Variants in CTNND2 observed in about 807,000 individuals in gnomAD.
The protein encoded by CTNND2 is catenin delta 2.
In CTNND2, 22 loss-of-function variants were observed where a neutral mutation model predicts 144.4. That is an observed-to-expected ratio of 0.15 (90% CI 0.11 to 0.22). CTNND2 has a LOEUF of 0.22. Among genes scored for constraint, CTNND2 ranks in the 10% least tolerant of loss-of-function variants. The pLI, the probability that CTNND2 is intolerant of heterozygous loss-of-function variation, is 1.00. For missense variants in CTNND2, 1,353 were observed against 1,618.8 expected, an observed-to-expected ratio of 0.84 and a Z score of 2.82; for synonymous variants, 751 against 695.6, an observed-to-expected ratio of 1.08 and a Z score of -1.25.
chr5:11,029,845 C>T (rs1743255439), intron 16 of CTNND2, among the ~76,000 whole-genome samples: 1 of 152,196 alleles, frequency 6.6e-6, no homozygotes. Context: ...GTATTTATCT[C>T]TACTAAGATC....
intron 16 of CTNND2, among the ~76,000 whole-genome samples, chr5:11,060,914 G>A (rs1020747027): frequency 9.9e-5 from 15 of 152,132 alleles, no homozygotes; most frequent in African/African-American, 3.4e-4. Flanking sequence ...TCCTGTAGAT[G>A]TTTCTGTACT....
At chr5:11,806,701 A>G (rs954885430) in intron 1 of CTNND2, among the ~76,000 whole-genome samples, 2 of 152,186 alleles carry the variant, frequency 1.3e-5, no homozygotes, top group African/African-American at 4.8e-5. Flanking sequence ...ACTTATGTGC[A>G]CATTGGGGAA....
At chr5:11,204,796 G>A (rs1037503389) in intron 10 of CTNND2, among the ~76,000 whole-genome samples, 21 of 152,154 alleles carry the variant, frequency 1.4e-4, no homozygotes, top group African/African-American at 3.9e-4. Context: ...AATTCCTCTC[G>A]GGAGGTATCT....
chr5:11,779,535 G>A (rs192376060), intron 1 of CTNND2, among the ~76,000 whole-genome samples: 2 of 152,190 alleles, frequency 1.3e-5, no homozygotes, highest in Non-Finnish European at 2.9e-5. Context: ...ATGTAACATG[G>A]GTTATGGCAT....
chr5:11,114,759 C>T (rs145490391), intron 13 of CTNND2, among the ~76,000 whole-genome samples: 185 of 152,254 alleles, frequency 1.2e-3, no homozygotes, highest in African/African-American at 1.7e-3. Flanking sequence ...ATGGAATCCA[C>T]GCTCTTTTAT....
intron 9 of CTNND2, among the ~76,000 whole-genome samples, chr5:11,238,639 A>G (rs1741888648): frequency 6.6e-6 from 1 of 152,222 alleles, no homozygotes; most frequent in South Asian, 2.1e-4. Flanking sequence ...ATTCTATTTA[A>G]TGTGCACTGA....
chr5:11,564,049 C>T (rs1251372597), intron 3 of CTNND2, among the ~76,000 whole-genome samples: 1 of 152,096 alleles, frequency 6.6e-6, no homozygotes, highest in Non-Finnish European at 1.5e-5. Flanking sequence ...CAGGATGGAG[C>T]CATAGGGGAT....
intron 2 of CTNND2, among the ~76,000 whole-genome samples, chr5:11,634,730 G>A (rs1781591836): frequency 6.6e-6 from 1 of 152,098 alleles, no homozygotes; most frequent in Non-Finnish European, 1.5e-5. Flanking sequence ...TTAAGGGAAA[G>A]GTGGAAGAAA....
At chr5:11,687,934 G>A (rs1784730457) in intron 2 of CTNND2, among the ~76,000 whole-genome samples, 1 of 152,162 alleles carries the variant, frequency 6.6e-6, no homozygotes, top group Admixed American at 6.5e-5. Context: ...AACATCTCAG[G>A]CAGAGAAAAC....
At chr5:11,081,431 T>C (rs2973518) in intron 16 of CTNND2, among the ~76,000 whole-genome samples, 31,180 of 152,160 alleles carry the variant, frequency 0.2, 3,583 homozygotes, top group Middle Eastern at 0.29. Flanking sequence ...CCAAAAATGC[T>C]TAGGACCAGA....
chr5:11,387,877 T>C (rs1217425996), intron 6 of CTNND2, among the ~76,000 whole-genome samples: 1 of 152,182 alleles, frequency 6.6e-6, no homozygotes, highest in East Asian at 1.9e-4. Context: ...TTAGAACATA[T>C]ATCCTGTGAA....
At chr5:11,450,848 A>C (rs1765242884) in intron 3 of CTNND2, among the ~76,000 whole-genome samples, 1 of 139,804 alleles carries the variant, frequency 7.2e-6, no homozygotes, top group Admixed American at 8.0e-5. Context: ...CAGTGAGCCG[A>C]GATTGCGCCA....
At chr5:11,625,413 C>CTCTCTCTT (rs1554095911) in intron 2 of CTNND2, among the ~76,000 whole-genome samples, 6 of 151,800 alleles carry the variant, frequency 4.0e-5, no homozygotes, top group African/African-American at 1.5e-4. Flanking sequence ...CTCTCTCTCT[C>CTCTCTCTT]TCTCTCTCTC....
intron 1 of CTNND2, among the ~76,000 whole-genome samples, chr5:11,864,571 T>C (rs920341331): frequency 6.6e-6 from 1 of 152,214 alleles, no homozygotes; most frequent in African/African-American, 2.4e-5. Flanking sequence ...CTGCCTTTCC[T>C]GGATCCACCA....
rs1736102487 is a variant in CTNND2, at chr5:10,973,817, T to C, written c.3418-104A>G. 1 of 1,289,688 alleles carries C rather than the reference T, an allele frequency of 7.8e-7. No homozygotes were observed. Among genetic ancestry groups the C allele is most frequent in the Non-Finnish European group, 1.0e-6 (1 of 958,762 alleles). The allele number at this position is 1,289,688 out of a possible 1,614,324, so 79.9% of individuals were successfully genotyped here. ...TCCTTCAAAGAATAGGCTGTGTATA[T>C]CCAGGCATTCACCACTGTGGCCCTG... On this transcript the variant is annotated intron_variant, in intron 21 of 21. Coordinates refer to ENST00000304623, the MANE Select transcript of CTNND2 (RefSeq NM_001332.4). This position sits in a 1 kb window ranked among gnomAD's most constrained non-coding sequence, Gnocchi z 5.6.
At chr5:11,296,601 A>G (rs1749042627) in intron 9 of CTNND2, among the ~76,000 whole-genome samples, 1 of 152,234 alleles carries the variant, frequency 6.6e-6, no homozygotes, top group Non-Finnish European at 1.5e-5. Flanking sequence ...CAACAATGAT[A>G]GACTGGATTA....
intron 9 of CTNND2, among the ~76,000 whole-genome samples, chr5:11,245,395 G>T (rs7717118): frequency 0.093 from 14,226 of 152,210 alleles, 836 homozygotes; most frequent in South Asian, 0.17. Flanking sequence ...TCCTCGGTTA[G>T]CCAGTGGGCC....
intron 2 of CTNND2, among the ~76,000 whole-genome samples, chr5:11,591,752 T>C (rs771202035): frequency 3.0e-4 from 46 of 152,182 alleles, no homozygotes; most frequent in Non-Finnish European, 5.4e-4. Flanking sequence ...TTTGTGTATT[T>C]GTGTTTTTGT....
intron 1 of CTNND2, among the ~76,000 whole-genome samples, chr5:11,862,453 T>G (rs1488657669): frequency 2.0e-5 from 3 of 152,202 alleles, no homozygotes; most frequent in Admixed American, 6.5e-5. Context: ...ACCATGGTTT[T>G]GAAAAAATTT....
Sources: allele counts gnomAD v4.1 joint callset (sites outside exome capture counted in the v4.1 genomes callset), GRCh38; gene constraint gnomAD v4.1.1; non-coding constraint Gnocchi (gnomAD v3.1); transcripts MANE v1.5; gene names NCBI Gene and HGNC (gene_info 2026-07-23, HGNC 2026-07-21).